The following KCNQ3 variants were observed in gnomAD, a reference collection of about 807,000 sequenced individuals.
The protein encoded by KCNQ3 is potassium voltage-gated channel subfamily KQT member 3.
A neutral mutation model predicts 92.5 loss-of-function variants in KCNQ3; 30 were observed. The ratio of observed to expected loss-of-function variants is 0.32; its 90% confidence interval spans 0.24 to 0.44. KCNQ3 has a LOEUF of 0.44. Ranked by LOEUF, KCNQ3 falls within the 20% of genes least tolerant of loss-of-function variation. The pLI is 1.00. For synonymous variants in KCNQ3, 450 were observed against 468.8 expected (o/e 0.96, Z 0.52); for missense variants, 913 against 1,140.3 (o/e 0.80, Z 2.87).
intron 1 of KCNQ3, among the ~76,000 whole-genome samples, chr8:132,239,895 C>A (rs565051935): frequency 1.3e-5 from 2 of 152,314 alleles, no homozygotes; most frequent in African/African-American, 4.8e-5. Flanking sequence ...ACCTTTGACA[C>A]AAAGTAGATA....
intron 1 of KCNQ3, among the ~76,000 whole-genome samples, chr8:132,420,746 G>C (rs779398625): frequency 6.6e-6 from 1 of 152,126 alleles, no homozygotes; most frequent in Non-Finnish European, 1.5e-5. Flanking sequence ...TGTTGCAAAA[G>C]CAACATGTTT....
chr8:132,275,346 C>A (rs1200750229), intron 1 of KCNQ3, among the ~76,000 whole-genome samples: 2 of 152,114 alleles, frequency 1.3e-5, no homozygotes, highest in African/African-American at 2.4e-5. Context: ...TATTTACATG[C>A]CCTTTCAAAT....
intron 1 of KCNQ3, among the ~76,000 whole-genome samples, chr8:132,220,524 G>A (rs1035683311): frequency 3.3e-5 from 5 of 152,170 alleles, no homozygotes; most frequent in African/African-American, 1.2e-4. Flanking sequence ...CGAGGCAGGT[G>A]GATTGCCTGA....
chr8:132,478,040 G>A (rs886384804), intron 1 of KCNQ3, among the ~76,000 whole-genome samples: 1 of 152,056 alleles, frequency 6.6e-6, no homozygotes, highest in East Asian at 1.9e-4. Flanking sequence ...ACTGTGTGAG[G>A]ATTAAATAAA....
intron 1 of KCNQ3, among the ~76,000 whole-genome samples, chr8:132,467,917 G>GAA (rs1194121668): frequency 6.6e-6 from 1 of 152,172 alleles, no homozygotes; most frequent in Non-Finnish European, 1.5e-5. Context: ...CGCCTTGCAC[G>GAA]AAGACTTGGT....
chr8:132,399,113 C>T (rs1262010165), intron 1 of KCNQ3, among the ~76,000 whole-genome samples: 1 of 152,174 alleles, frequency 6.6e-6, no homozygotes. Context: ...ACAGAATATG[C>T]AGATACGATT....
intron 2 of KCNQ3, among the ~76,000 whole-genome samples, chr8:132,184,628 C>T (rs1481436464): frequency 1.3e-5 from 2 of 152,142 alleles, no homozygotes; most frequent in East Asian, 1.9e-4. Flanking sequence ...AGTGATTACT[C>T]GTTCTTTTTT....
chr8:132,464,389 C>A (rs1236710980), intron 1 of KCNQ3, among the ~76,000 whole-genome samples: 7 of 152,172 alleles, frequency 4.6e-5, no homozygotes, highest in Non-Finnish European at 1.0e-4. Flanking sequence ...GGCATTGTGT[C>A]CATTCATGCA....
intron 1 of KCNQ3, among the ~76,000 whole-genome samples, chr8:132,266,311 A>T (rs964244226): frequency 6.6e-6 from 1 of 152,134 alleles, no homozygotes; most frequent in Non-Finnish European, 1.5e-5. Context: ...ACCTCAGGGG[A>T]TTGAGGGAGA....
intron 1 of KCNQ3, among the ~76,000 whole-genome samples, chr8:132,452,189 C>T (rs1243187587): frequency 6.6e-6 from 1 of 152,190 alleles, no homozygotes; most frequent in Non-Finnish European, 1.5e-5. Flanking sequence ...TATCCACCTC[C>T]CAAACATTTT....
At chr8:132,185,955 C>G (rs1000070316) in intron 2 of KCNQ3, 136 bp downstream of exon 2, 4 of 724,224 alleles carry the variant, frequency 5.5e-6, no homozygotes, top group African/African-American at 1.7e-5. Flanking sequence ...GGAGGCTTTG[C>G]TTTTCCTTGG....
intron 1 of KCNQ3, among the ~76,000 whole-genome samples, chr8:132,204,913 T>C (rs1211970578): frequency 6.6e-6 from 1 of 152,224 alleles, no homozygotes; most frequent in Non-Finnish European, 1.5e-5. Flanking sequence ...ACCCCCTCTC[T>C]GTTTTCTTCC....
chr8:132,269,417 A>T (rs1241208697), intron 1 of KCNQ3, among the ~76,000 whole-genome samples: 2 of 151,872 alleles, frequency 1.3e-5, no homozygotes, highest in Non-Finnish European at 2.9e-5. Context: ...TTATTTATTT[A>T]TTTTTTTGCA....
chr8:132,374,241 G>A (rs970578618), intron 1 of KCNQ3, among the ~76,000 whole-genome samples: 11 of 152,122 alleles, frequency 7.2e-5, no homozygotes, highest in African/African-American at 2.4e-4. Context: ...CTTATAAAAT[G>A]CAAAACCTAC....
At chr8:132,446,797 G>A (rs900173361) in intron 1 of KCNQ3, among the ~76,000 whole-genome samples, 2 of 152,172 alleles carry the variant, frequency 1.3e-5, no homozygotes, top group Non-Finnish European at 2.9e-5. Flanking sequence ...GGCGACGGGA[G>A]GACAAAACTA....
intron 1 of KCNQ3, among the ~76,000 whole-genome samples, chr8:132,272,710 A>G (rs763693976): frequency 3.9e-5 from 6 of 152,132 alleles, no homozygotes; most frequent in Non-Finnish European, 8.8e-5. Flanking sequence ...TATCAAGGGA[A>G]CAGCACAAAA....
chr8:132,316,809 C>T (rs754211929), intron 1 of KCNQ3, among the ~76,000 whole-genome samples: 5 of 152,178 alleles, frequency 3.3e-5, no homozygotes, highest in Admixed American at 1.3e-4. Flanking sequence ...CAAATATAGT[C>T]AATGAAAATT....
chr8:132,234,395 A>G (rs894304729), intron 1 of KCNQ3, among the ~76,000 whole-genome samples: 7 of 139,700 alleles, frequency 5.0e-5, no homozygotes, highest in Non-Finnish European at 1.1e-4. Context: ...AGTTCTTCCA[A>G]AGGATTCTTT....
At chr8:132,308,720 T>C (rs181693847) in intron 1 of KCNQ3, among the ~76,000 whole-genome samples, 1 of 152,312 alleles carries the variant, frequency 6.6e-6, no homozygotes, top group Non-Finnish European at 1.5e-5. Context: ...CCTGGTTTAT[T>C]TGCTCATGTA....
Sources: gnomAD v4.1 joint callset for allele counts (sites outside exome capture counted in the v4.1 genomes callset) on GRCh38, gnomAD v4.1.1 for gene constraint, MANE v1.5 for transcripts, NCBI Gene and HGNC (gene_info 2026-07-23, HGNC 2026-07-21) for gene names.